MEGF6: variants seen among roughly 807,000 people sequenced by gnomAD.
MEGF6 encodes the protein multiple epidermal growth factor-like domains protein 6.
MEGF6 carries 184 observed loss-of-function variants against 207.1 expected under a neutral mutation model. That is an observed-to-expected ratio of 0.89 (90% CI 0.79 to 1.00). The LOEUF is 1.00. MEGF6 is among the 50% of genes least tolerant of loss of function. The pLI, the probability that MEGF6 is intolerant of heterozygous loss-of-function variation, is 0.00. For synonymous variants in MEGF6, 1,038 were observed against 910.0 expected, an observed-to-expected ratio of 1.14 and a Z score of -2.53; for missense variants, 2,282 against 2,202.9, an observed-to-expected ratio of 1.04 and a Z score of -0.72.
chr1:3,489,726 T>G lies in MEGF6; in HGVS notation c.*802A>C, dbSNP rs1640275714. Among the ~76,000 whole-genome samples, 1 of 152,196 alleles carries G rather than the reference T, an allele frequency of 6.6e-6. No homozygotes were observed. Among genetic ancestry groups the G allele is most frequent in the Admixed American group, 6.5e-5 (1 of 15,288 alleles). On this transcript the variant is annotated 3_prime_UTR_variant, in exon 37 of 37. Coordinates refer to ENST00000356575, the MANE Select transcript of MEGF6 (RefSeq NM_001409.4). Reference sequence around the variant, plus strand: ...GTCTCTGGGTCTCAGCGGTAATGAATGCAGCCCCAGCGTTCTCCTCAATAG... The same window carrying G: ...GTCTCTGGGTCTCAGCGGTAATGAAGGCAGCCCCAGCGTTCTCCTCAATAG...
chr1:3,519,607 G>A (rs1000986799), intron 5 of MEGF6, among the ~76,000 whole-genome samples: 4 of 152,236 alleles, frequency 2.6e-5, no homozygotes, highest in Non-Finnish European at 5.9e-5. Flanking sequence ...CCAGAGTCCC[G>A]GGAGGGCAGG....
In MEGF6 at chr1:3,524,111, A is replaced by T. The variant is rs1313773704; in HGVS notation, c.604+13T>A. 1 of 1,609,830 alleles carries T rather than the reference A, an allele frequency of 6.2e-7. No homozygotes were observed. Among genetic ancestry groups the T allele is most frequent in the Non-Finnish European group, 8.5e-7 (1 of 1,178,270 alleles). ...AGCCAGGAGCCCAGGCAGGGTCTCC[A>T]GGCGACACTCACCCAGGCAGGTCCT... On this transcript the variant is annotated intron_variant, in intron 5 of 36. Transcript: ENST00000356575.
intron 7 of MEGF6, among the ~76,000 whole-genome samples, chr1:3,513,988 C>T (rs1570014583): frequency 6.6e-6 from 1 of 152,134 alleles, no homozygotes; most frequent in African/African-American, 2.4e-5. Flanking sequence ...GTGGCTCACG[C>T]CTGTAATCCC....
In MEGF6 at chr1:3,611,451, G is replaced by A; in HGVS notation, c.-183C>T. On this transcript the variant is annotated 5_prime_UTR_variant, in exon 1 of 37. Transcript: ENST00000356575. ...CCGCCCGCGCCCAAAGTGGCACCGC[G>A]GAGACCTGATCGCCGGGTCCACCCT... The A allele has an allele frequency of 2.5e-6, 2 of 796,050 alleles. No homozygotes were observed. Among genetic ancestry groups the A allele is most frequent in the Non-Finnish European group, 3.5e-6 (2 of 566,126 alleles). 49.3% of individuals were successfully genotyped at this position (796,050 alleles called of 1,614,324 possible). A position where few individuals can be genotyped will look rare whatever the true frequency, so the allele number is the denominator to read the frequency against.
Position 3,489,562 on chromosome 1 carries a change from C to T in MEGF6, c.*966G>A, listed in dbSNP as rs541931765. Among the ~76,000 whole-genome samples, 1 of 152,266 alleles carries T rather than the reference C, an allele frequency of 6.6e-6. No individual in the cohort carries two copies. Among genetic ancestry groups the T allele is most frequent in the South Asian group, 2.1e-4 (1 of 4,826 alleles). On this transcript the variant is annotated 3_prime_UTR_variant, in exon 37 of 37. Coordinates refer to ENST00000356575, the MANE Select transcript of MEGF6 (RefSeq NM_001409.4). Reference sequence around the variant, plus strand: ...TCTGTCCTCACCCAGGGAGTCCCTGCCCCTGCGATGCTGCCCTCCCCCCAC... The same window carrying T: ...TCTGTCCTCACCCAGGGAGTCCCTGTCCCTGCGATGCTGCCCTCCCCCCAC...
intron 34 of MEGF6, 102 bp downstream of exon 34, chr1:3,493,669 G>A: frequency 1.4e-6 from 2 of 1,470,440 alleles, no homozygotes; most frequent in East Asian, 2.4e-5. Context: ...AGAGGGGTTG[G>A]TGGCCAGCCC....
At chr1:3,557,412 G>A (rs1236909010) in intron 4 of MEGF6, among the ~76,000 whole-genome samples, 1 of 152,218 alleles carries the variant, frequency 6.6e-6, no homozygotes, top group Non-Finnish European at 1.5e-5. Context: ...TCCCAGGGTG[G>A]CGAGGGCATC....
At chr1:3,566,516 G>A (rs1421595371) in intron 4 of MEGF6, among the ~76,000 whole-genome samples, 1 of 152,190 alleles carries the variant, frequency 6.6e-6, no homozygotes, top group Non-Finnish European at 1.5e-5. Flanking sequence ...GGAAGACCTG[G>A]GTGTTCCCTT....
At chr1:3,576,368 C>A (rs1201139720) in intron 4 of MEGF6, among the ~76,000 whole-genome samples, 5 of 152,226 alleles carry the variant, frequency 3.3e-5, no homozygotes, top group South Asian at 2.1e-4. Context: ...TCCTTCCCCC[C>A]ACTGCCCTCC....
intron 4 of MEGF6, among the ~76,000 whole-genome samples, chr1:3,528,463 G>A (rs568222489): frequency 2.2e-4 from 34 of 152,310 alleles, no homozygotes; most frequent in Non-Finnish European, 4.1e-4. Flanking sequence ...GCTGAATAAC[G>A]AATGTCCCCC....
intron 1 of MEGF6, among the ~76,000 whole-genome samples, chr1:3,608,885 G>T (rs1316020722): frequency 6.6e-6 from 1 of 152,220 alleles, no homozygotes; most frequent in African/African-American, 2.4e-5. Context: ...TCAGCAGATA[G>T]ATCAGTTCTG....
rs944690543 is a variant in MEGF6, at chr1:3,606,735, G to A, written c.132-4135C>T. ...TGTGCCTTGCAACGCACTTACCCAC[G>A]GCGAGCCCTGGGCACAGGTGACCTT... is the stretch of plus-strand genomic sequence containing the variant. On this transcript the variant is annotated intron_variant, in intron 1 of 36. Transcript: ENST00000356575. 3.3e-5 allele frequency among the ~76,000 whole-genome samples: 5 copies of A among 152,276 alleles called. No individual in the cohort carries two copies. The South Asian group carries it at 6.2e-4, about 19-fold the overall frequency.
intron 5 of MEGF6, among the ~76,000 whole-genome samples, chr1:3,517,150 C>T (rs951012018): frequency 1.3e-5 from 2 of 152,236 alleles, no homozygotes; most frequent in African/African-American, 4.8e-5. Flanking sequence ...GTCTGGAACA[C>T]GTAATAGGAA....
intron 5 of MEGF6, 80 bp from the exon 6 acceptor site, chr1:3,515,607 G>A (rs1641514964): frequency 6.5e-7 from 1 of 1,538,066 alleles, no homozygotes; most frequent in South Asian, 1.2e-5. Flanking sequence ...ATGGAGCAGG[G>A]AGTGGCATGG....
intron 5 of MEGF6, among the ~76,000 whole-genome samples, chr1:3,520,929 G>A (rs1312134530): frequency 1.3e-5 from 2 of 152,170 alleles, no homozygotes; most frequent in Admixed American, 6.5e-5. Context: ...GGCCCTGGAG[G>A]TGTCAGCCCC....
chr1:3,500,495 G>A (rs761418285), intron 21 of MEGF6, 138 bp downstream of exon 21: 78 of 1,276,016 alleles, frequency 6.1e-5, no homozygotes, highest in South Asian at 1.1e-4. Flanking sequence ...GCGCGCACAG[G>A]AGGGGGCGCG....
At chr1:3,617,555 T>C in the MEGF6 span, among the ~76,000 whole-genome samples, 2 of 152,062 alleles carry the variant, frequency 1.3e-5, no homozygotes, top group East Asian at 3.9e-4. Context: ...ACGGCTGACC[T>C]GCACAGCAAA....
chr1:3,568,995 G>A (rs985499599), intron 4 of MEGF6, among the ~76,000 whole-genome samples: 14 of 147,292 alleles, frequency 9.5e-5, no homozygotes, highest in African/African-American at 2.9e-4. Flanking sequence ...GCTTCCAGGC[G>A]AGTGGGCAGA....
intron 34 of MEGF6, chr1:3,493,180 G>A (rs1640444933): frequency 4.2e-6 from 1 of 239,206 alleles, no homozygotes; most frequent in Non-Finnish European, 8.3e-6. Flanking sequence ...CCTATCCTCA[G>A]GTGAGCCCCT....
Sources: allele counts gnomAD v4.1 joint callset (sites outside exome capture counted in the v4.1 genomes callset), GRCh38; gene constraint gnomAD v4.1.1; transcripts MANE v1.5; gene names NCBI Gene and HGNC (gene_info 2026-07-23, HGNC 2026-07-21).